Variants in MORC3 observed in about 807,000 individuals in gnomAD.
MORC3 encodes the protein MORC family CW-type zinc finger 3.
A neutral mutation model predicts 109.1 loss-of-function variants in MORC3; 31 were observed. The observed-to-expected ratio is 0.28, with a 90% CI of 0.21 to 0.38. The LOEUF is 0.38. Among genes scored for constraint, MORC3 ranks in the 10% least tolerant of loss-of-function variants. The pLI, the probability that MORC3 is intolerant of heterozygous loss-of-function variation, is 1.00. For synonymous variants in MORC3, 395 were observed against 380.7 expected, an observed-to-expected ratio of 1.04 and a Z score of -0.44; for missense variants, 867 against 1,135.8, an observed-to-expected ratio of 0.76 and a Z score of 3.40.
At chr21:36,330,211 G>C (rs1323416009) in intron 1 of MORC3, among the ~76,000 whole-genome samples, 1 of 151,854 alleles carries the variant, frequency 6.6e-6, no homozygotes, top group East Asian at 1.9e-4. Context: ...CCAGATCCAG[G>C]AGATAATCAA....
intron 15 of MORC3, 88 bp downstream of exon 15, chr21:36,369,964 T>A (rs2085835685): frequency 2.0e-6 from 3 of 1,474,960 alleles, no homozygotes; most frequent in Non-Finnish European, 2.7e-6. Context: ...CGGTGGCTCA[T>A]ACCTGTAATC....
At chr21:36,355,138 A>C (rs974518863) in intron 9 of MORC3, among the ~76,000 whole-genome samples, 2 of 152,184 alleles carry the variant, frequency 1.3e-5, no homozygotes, top group African/African-American at 4.8e-5. Context: ...CCACAGCGTT[A>C]ACAATCTTTT....
At chr21:36,336,626 CTG>C (rs2044949000) in intron 2 of MORC3, among the ~76,000 whole-genome samples, 1 of 152,322 alleles carries the variant, frequency 6.6e-6, no homozygotes, top group Admixed American at 6.5e-5. Context: ...CCAGTCTTTG[CTG>C]TCTCTTTAAC....
At chr21:36,322,798 A>G (rs555621444) in intron 1 of MORC3, among the ~76,000 whole-genome samples, 12 of 152,122 alleles carry the variant, frequency 7.9e-5, no homozygotes, top group African/African-American at 2.4e-4. Context: ...AAATGCATAT[A>G]CTTTGGTTTT....
In MORC3 at chr21:36,320,243, C is replaced by G. The variant is rs769057046; in HGVS notation, c.-22C>G. The G allele has an allele frequency of 3.8e-6, 6 of 1,578,664 alleles. No individual in the cohort carries two copies. Among genetic ancestry groups the G allele is most frequent in the Non-Finnish European group, 1.7e-6 (2 of 1,163,558 alleles). ...AGTCGGGTTGCGGCGGAGGCCGTTC[C>G]TGGCTTTGTAGCTCGCTCAAGATGG... is the stretch of plus-strand genomic sequence containing the variant. On this transcript the variant is annotated 5_prime_UTR_variant, in exon 1 of 17. Transcript: ENST00000400485.
chr21:36,337,421 T>A (rs781226480), intron 3 of MORC3, among the ~76,000 whole-genome samples: 33 of 152,276 alleles, frequency 2.2e-4, no homozygotes, highest in Non-Finnish European at 4.7e-4. Context: ...GTGCCAGCGA[T>A]GAGTTTGCAT....
intron 6 of MORC3, among the ~76,000 whole-genome samples, chr21:36,343,535 G>A (rs1306885075): frequency 2.0e-5 from 3 of 148,100 alleles, no homozygotes; most frequent in Admixed American, 1.4e-4. Context: ...CACAACCTCC[G>A]GCTCCTGGGT....
rs752113318 is a variant in MORC3 at position 36,368,972 on chromosome 21, A to T, written c.1620-16A>T. The T allele has an allele frequency of 6.4e-7, 1 of 1,567,388 alleles. No individual in the cohort carries two copies. Among genetic ancestry groups the T allele is most frequent in the East Asian group, 2.3e-5 (1 of 43,652 alleles). On this transcript the variant is annotated splice_polypyrimidine_tract_variant and intron_variant, in intron 14 of 16. Transcript: ENST00000400485. ...TATTTTATAATCTTATGTTTTATGT[A>T]TAAAATTTTTTTCAGCTTGAAACGG... is the stretch of plus-strand genomic sequence containing the variant.
At chr21:36,344,770 C>T in intron 7 of MORC3, 63 bp downstream of exon 7, 3 of 1,596,164 alleles carry the variant, frequency 1.9e-6, no homozygotes, top group Middle Eastern at 1.7e-4. Flanking sequence ...TTGCCCCTTT[C>T]CCCTTATATG....
chr21:36,353,752 T>A (rs1002311693), intron 9 of MORC3, among the ~76,000 whole-genome samples: 10 of 122,528 alleles, frequency 8.2e-5, no homozygotes, highest in Non-Finnish European at 1.5e-4. Context: ...GGCTAATTTT[T>A]GTATTTTTTT....
At chr21:36,351,057 C>CTTTTTTTT (rs748042243) in intron 9 of MORC3, among the ~76,000 whole-genome samples, 2 of 71,428 alleles carry the variant, frequency 2.8e-5, no homozygotes, top group South Asian at 5.6e-4. Flanking sequence ...GGTTGTCCTC[C>CTTTTTTTT]TTTTTTTTTT....
chr21:36,365,740 C>T (rs934775927), intron 14 of MORC3, among the ~76,000 whole-genome samples: 6 of 152,074 alleles, frequency 3.9e-5, no homozygotes, highest in African/African-American at 1.4e-4. Flanking sequence ...ACCACCATGC[C>T]TGGCTAATTT....
At position 36,360,130 on chromosome 21, in the gene MORC3, A is replaced by AT. The variant is rs1601534298; in HGVS notation, c.1331+53_1332-53insT. On this transcript the variant is annotated intron_variant, in intron 11 of 16. Coordinates refer to ENST00000400485, the MANE Select transcript of MORC3 (RefSeq NM_015358.3). ...TGGAAAGACGGAAAGTACTGTTCAC[A>AT]GTGTATGAATAGGCGCTGGTGACAT... 5 of 1,614,008 alleles carry AT rather than the reference A, an allele frequency of 3.1e-6. No individual in the cohort carries two copies. In the East Asian group the frequency reaches 1.1e-4, roughly 36 times the overall value.
intron 1 of MORC3, among the ~76,000 whole-genome samples, chr21:36,327,528 G>T (rs2085262928): frequency 6.6e-6 from 1 of 151,244 alleles, no homozygotes; most frequent in Admixed American, 6.6e-5. Context: ...GAACAGAGGA[G>T]GCTGGCTTTG....
At chr21:36,325,595 G>C (rs892818006) in intron 1 of MORC3, among the ~76,000 whole-genome samples, 1 of 152,150 alleles carries the variant, frequency 6.6e-6, no homozygotes, top group Non-Finnish European at 1.5e-5. Flanking sequence ...CCCTGTTCCC[G>C]TTAAATAGTA....
intron 14 of MORC3, among the ~76,000 whole-genome samples, chr21:36,366,462 C>CTT (rs59413785): frequency 6.8e-6 from 1 of 146,572 alleles, no homozygotes; most frequent in Non-Finnish European, 1.5e-5. Context: ...GATTAAACAA[C>CTT]TTTTTTTTTT....
chr21:36,336,490 C>T (rs2085377328), intron 2 of MORC3, among the ~76,000 whole-genome samples: 2 of 152,088 alleles, frequency 1.3e-5, no homozygotes, highest in Admixed American at 6.6e-5. Context: ...GTGATCTGCC[C>T]GCCTCAGCCT....
intron 9 of MORC3, 85 bp downstream of exon 9, chr21:36,349,493 C>A: frequency 1.2e-6 from 1 of 809,090 alleles, no homozygotes; most frequent in Non-Finnish European, 1.9e-6. Flanking sequence ...TTCTGTGAAT[C>A]TCAGAAATAC....
At chr21:36,359,478 T>G (rs1451223052) in intron 10 of MORC3, among the ~76,000 whole-genome samples, 1 of 152,114 alleles carries the variant, frequency 6.6e-6, no homozygotes, top group Non-Finnish European at 1.5e-5. Flanking sequence ...AATACCTGCT[T>G]TAGCCTCCCA....
Sources: gnomAD v4.1 joint callset for allele counts (sites outside exome capture counted in the v4.1 genomes callset) on GRCh38, gnomAD v4.1.1 for gene constraint, MANE v1.5 for transcripts, NCBI Gene and HGNC (gene_info 2026-07-23, HGNC 2026-07-21) for gene names.